Variants in MGMT observed in about 807,000 individuals in gnomAD.
The protein encoded by MGMT is O-6-methylguanine-DNA methyltransferase.
A neutral mutation model predicts 15.9 loss-of-function variants in MGMT; 14 were observed. That is an observed-to-expected ratio of 0.88 (90% CI 0.58 to 1.37). The LOEUF (loss-of-function observed/expected upper bound fraction) is 1.37. MGMT is among the 40% of genes most tolerant of loss of function. The pLI is 0.00. For synonymous variants in MGMT, 130 were observed against 118.2 expected (o/e 1.10, Z -0.65); for missense variants, 282 against 268.1 (o/e 1.05, Z -0.36).
chr10:129,473,443 G>A lies in MGMT; in HGVS notation c.-13+6147G>A, dbSNP rs142197283. On this transcript the variant is annotated intron_variant, in intron 1 of 4. Coordinates refer to ENST00000651593, the MANE Select transcript of MGMT (RefSeq NM_002412.5). ...ACCACCACCCCATGAAGGAGAAGGC[G>A]CTGTGAGTGTCTTTATTTTGCATAT... Among the ~76,000 whole-genome samples, 660 of 152,324 alleles carry A rather than the reference G, an allele frequency of 4.3e-3. 14 individuals carry two copies. The highest frequency in any genetic ancestry group is 0.039 in the Admixed American group (601 of 15,294).
chr10:129,572,115 T>C (rs986936862), intron 2 of MGMT, among the ~76,000 whole-genome samples: 1 of 152,216 alleles, frequency 6.6e-6, no homozygotes, highest in African/African-American at 2.4e-5. Flanking sequence ...CATCTAAGTG[T>C]TGCTTTAAAG....
chr10:129,725,313 C>T (rs1279321801), intron 3 of MGMT, among the ~76,000 whole-genome samples: 2 of 152,236 alleles, frequency 1.3e-5, no homozygotes, highest in Non-Finnish European at 1.5e-5. Flanking sequence ...CCCAGCCCCT[C>T]GCTGCCATCC....
chr10:129,656,961 C>G (rs1362566013), intron 2 of MGMT, among the ~76,000 whole-genome samples: 1 of 152,074 alleles, frequency 6.6e-6, no homozygotes, highest in African/African-American at 2.4e-5. Flanking sequence ...AAAGAACTTC[C>G]ACGCAGAAGG....
chr10:129,507,367 G>T (rs1481109548), intron 1 of MGMT, among the ~76,000 whole-genome samples: 1 of 152,194 alleles, frequency 6.6e-6, no homozygotes, highest in Non-Finnish European at 1.5e-5. Flanking sequence ...CAGTGGTCTT[G>T]TCTGGTGGCA....
At chr10:129,535,396 TA>T (rs760580365) in intron 1 of MGMT, among the ~76,000 whole-genome samples, 3 of 151,268 alleles carry the variant, frequency 2.0e-5, no homozygotes, top group Non-Finnish European at 4.4e-5. Flanking sequence ...ACCTCGTCTC[TA>T]AAAAAAAAGA....
At chr10:129,730,485 T>G (rs1266996033) in intron 3 of MGMT, among the ~76,000 whole-genome samples, 7 of 152,338 alleles carry the variant, frequency 4.6e-5, no homozygotes, top group Middle Eastern at 3.4e-3. Flanking sequence ...CAGAGCATCC[T>G]GTGTCTGCAA....
At chr10:129,496,966 T>C (rs1176013459) in intron 1 of MGMT, among the ~76,000 whole-genome samples, 1 of 152,148 alleles carries the variant, frequency 6.6e-6, no homozygotes. Context: ...GTGCTGGGGT[T>C]ACAGGCATGA....
chr10:129,665,546 T>G (rs916992994), intron 2 of MGMT, among the ~76,000 whole-genome samples: 3 of 152,032 alleles, frequency 2.0e-5, no homozygotes, highest in African/African-American at 7.3e-5. Flanking sequence ...ATTACTCCAC[T>G]TACAGGACTG....
rs1300056572 is a variant in MGMT, at chr10:129,566,696, TC to T, written c.125+30320del. Reference sequence around the variant, plus strand: ...GATCTCGTTGAAGGCCTGCGGAGATTCAGGTGCCATAGGGAGGGTCTGGGAC... The same window carrying T: ...GATCTCGTTGAAGGCCTGCGGAGATTAGGTGCCATAGGGAGGGTCTGGGAC... On this transcript the variant is annotated intron_variant, in intron 2 of 4. Coordinates refer to ENST00000651593, the MANE Select transcript of MGMT (RefSeq NM_002412.5). This position sits in a 1 kb window ranked among gnomAD's most constrained non-coding sequence, Gnocchi z 4.1. Among the ~76,000 whole-genome samples the T allele has an allele frequency of 5.9e-5, 9 of 151,960 alleles. No individual in the cohort carries two copies. The South Asian group carries it at 1.2e-3, about 21-fold the overall frequency.
At chr10:129,670,913 C>T (rs541033732) in intron 2 of MGMT, among the ~76,000 whole-genome samples, 1 of 152,260 alleles carries the variant, frequency 6.6e-6, no homozygotes, top group African/African-American at 2.4e-5. Context: ...ATTTACTTGA[C>T]TTTAAAATAT....
At chr10:129,572,209 A>T (rs1292216916) in intron 2 of MGMT, among the ~76,000 whole-genome samples, 2 of 152,170 alleles carry the variant, frequency 1.3e-5, no homozygotes, top group Non-Finnish European at 2.9e-5. Flanking sequence ...ATTTGTTAAG[A>T]TCAAGTTATC....
At chr10:129,645,141 A>G (rs1431162111) in intron 2 of MGMT, among the ~76,000 whole-genome samples, 10 of 105,734 alleles carry the variant, frequency 9.5e-5, no homozygotes, top group Non-Finnish European at 1.6e-4. Flanking sequence ...TTTTTTTGAG[A>G]TGGAGTCTTG....
chr10:129,496,337 A>G (rs987717429), intron 1 of MGMT, among the ~76,000 whole-genome samples: 3 of 152,118 alleles, frequency 2.0e-5, no homozygotes, highest in Non-Finnish European at 2.9e-5. Context: ...ATAGGCTCCA[A>G]TAACAATAAG....
At chr10:129,684,482 C>T (rs771880611) in intron 2 of MGMT, among the ~76,000 whole-genome samples, 1 of 152,218 alleles carries the variant, frequency 6.6e-6, no homozygotes, top group Non-Finnish European at 1.5e-5. Flanking sequence ...TACAAATCCT[C>T]TCCAAATTGG....
chr10:129,663,604 A>G (rs139914250), intron 2 of MGMT, among the ~76,000 whole-genome samples: 2 of 152,190 alleles, frequency 1.3e-5, no homozygotes, highest in African/African-American at 4.8e-5. Flanking sequence ...AAGGAAAAAA[A>G]TGGGGAAACA....
intron 2 of MGMT, among the ~76,000 whole-genome samples, chr10:129,617,595 T>G (rs1847042430): frequency 6.6e-6 from 1 of 152,172 alleles, no homozygotes. Flanking sequence ...GCATCTGTTA[T>G]TTTTTGACTT....
intron 2 of MGMT, among the ~76,000 whole-genome samples, chr10:129,550,644 A>C (rs1846146732): frequency 6.6e-6 from 1 of 151,970 alleles, no homozygotes; most frequent in Non-Finnish European, 1.5e-5. Context: ...ATGGGGTTTC[A>C]CCGTGTTGCC....
intron 1 of MGMT, among the ~76,000 whole-genome samples, chr10:129,490,600 G>T (rs1432070118): frequency 1.3e-5 from 2 of 151,952 alleles, no homozygotes; most frequent in Non-Finnish European, 2.9e-5. Flanking sequence ...TTCAGCCTTT[G>T]TTCTTATATT....
intron 3 of MGMT, among the ~76,000 whole-genome samples, chr10:129,731,645 C>T (rs899498892): frequency 1.3e-5 from 2 of 152,096 alleles, no homozygotes; most frequent in Admixed American, 6.5e-5. Flanking sequence ...CCACCTGCCT[C>T]GGCCTCCCAA....
Sources: allele counts gnomAD v4.1 joint callset (sites outside exome capture counted in the v4.1 genomes callset), GRCh38; gene constraint gnomAD v4.1.1; non-coding constraint Gnocchi (gnomAD v3.1); transcripts MANE v1.5; gene names NCBI Gene and HGNC (gene_info 2026-07-23, HGNC 2026-07-21).